Variants in GPC4 observed in about 807,000 individuals in gnomAD.
GPC4 encodes the protein glypican 4.
A neutral mutation model predicts 35.0 loss-of-function variants in GPC4; 10 were observed. That is an observed-to-expected ratio of 0.29 (90% confidence interval 0.18 to 0.48). The LOEUF is 0.48. GPC4 is among the 20% of genes least tolerant of loss of function. The pLI is 0.99. For missense variants in GPC4, 322 were observed against 451.3 expected, an observed-to-expected ratio of 0.71 and a Z score of 2.60; for synonymous variants, 167 against 170.2, an observed-to-expected ratio of 0.98 and a Z score of 0.15.
Position 133,339,237 on chromosome X carries a change from C to T in GPC4, c.265G>A (p.Glu89Lys), listed in dbSNP as rs748978226. 6 of 1,209,864 alleles carry T rather than the reference C, an allele frequency of 5.0e-6. No individual in the cohort carries two copies. In the African/African-American group the frequency reaches 5.2e-5, roughly 11 times the overall value. ...ACAGCTTGCAAATGATTGCACTGTT[C>T]GCTGACCACACTTTTGAAATCATCT... is the stretch of plus-strand genomic sequence containing the variant. Reference protein sequence around the residue: ...SKDDFKSVVSEQCNHLQAVFA... With the variant: ...SKDDFKSVVSKQCNHLQAVFA... Residue 89 changes from glutamate (E) to lysine (K), a missense_variant, in exon 2 of 9, where the codon GAA becomes AAA. This residue lies in a region of GPC4 where 163 missense variants were observed against 277.2 expected (regional missense o/e 0.59). Coordinates refer to ENST00000370828, the MANE Select transcript of GPC4 (RefSeq NM_001448.3).
At chrX:133,378,343 G>A (rs2068644656) in intron 1 of GPC4, among the ~76,000 whole-genome samples, 2 of 110,496 alleles carry the variant, frequency 1.8e-5, no homozygotes, top group South Asian at 7.8e-4. Flanking sequence ...CGAGGTGGGT[G>A]GATCACGAGG....
rs780485237 is a variant in GPC4 at position 133,303,341 on chromosome X, C to A, written c.1293G>T (p.Arg431Ser). 5.0e-6 allele frequency: 6 copies of A among 1,199,241 alleles called. No homozygotes were observed. Among genetic ancestry groups the A allele is most frequent in the Admixed American group, 2.2e-5 (1 of 44,452 alleles). The change falls in exon 8 of 9, where the codon AGG (arginine) becomes AGT (serine). Residue 431 changes from arginine to serine, a missense_variant and splice_region_variant. Around this residue, in one of 3 missense-constraint regions of GPC4, gnomAD observed 99 missense variants for 110.0 expected, o/e 0.90. Coordinates refer to ENST00000370828, the MANE Select transcript of GPC4 (RefSeq NM_001448.3). ...DDCWNGKGKS[R>S]YLFAVTGNGL... ...CATTTCCTGTCACTGCAAACAGGTACCTGGAATGTAAAATGACCCCAGTAA... is the reference window on the plus strand; with the variant it reads ...CATTTCCTGTCACTGCAAACAGGTAACTGGAATGTAAAATGACCCCAGTAA...
Position 133,304,965 on chromosome X carries a change from T to C in GPC4, c.1156-104A>G, listed in dbSNP as rs1237935578. 7 of 767,426 alleles carry C rather than the reference T, an allele frequency of 9.1e-6. No homozygotes were observed. In the South Asian group the frequency reaches 1.5e-4, roughly 17 times the overall value. 63.2% of individuals were successfully genotyped at this position (767,426 alleles called of 1,213,427 possible). A position where few individuals can be genotyped will look rare whatever the true frequency, so the allele number is the denominator to read the frequency against. ...TTTCCAAAGTATCTCCAGAGTGATA[T>C]GCAATTCATTTTCAACTTTAATTAG... On this transcript the variant is annotated intron_variant, in intron 6 of 8. Coordinates refer to ENST00000370828, the MANE Select transcript of GPC4 (RefSeq NM_001448.3).
intron 1 of GPC4, among the ~76,000 whole-genome samples, chrX:133,400,011 A>C (rs113697547): frequency 2.7e-5 from 3 of 111,770 alleles, no homozygotes; most frequent in African/African-American, 9.7e-5. Context: ...ACAACCAGAA[A>C]CCAGAATCCT....
chrX:133,401,225 A>T (rs1011090886), intron 1 of GPC4, among the ~76,000 whole-genome samples: 4 of 111,493 alleles, frequency 3.6e-5, no homozygotes. Context: ...TTTTCACTCT[A>T]GCTGGCATGG....
intron 1 of GPC4, among the ~76,000 whole-genome samples, chrX:133,401,976 T>C (rs1418041346): frequency 1.8e-5 from 2 of 112,536 alleles, no homozygotes; most frequent in Non-Finnish European, 3.7e-5. Flanking sequence ...TTTTAAAATC[T>C]TAGCACAGGG....
At chrX:133,346,809 T>C (rs2068493011) in intron 1 of GPC4, among the ~76,000 whole-genome samples, 1 of 111,438 alleles carries the variant, frequency 9.0e-6, no homozygotes, top group Non-Finnish European at 1.9e-5. Context: ...AAAATCCACA[T>C]TTATATAAAA....
At chrX:133,336,829 T>A (rs2068446384) in intron 2 of GPC4, among the ~76,000 whole-genome samples, 1 of 110,466 alleles carries the variant, frequency 9.1e-6, no homozygotes, top group Non-Finnish European at 1.9e-5. Flanking sequence ...ATTTTATTTA[T>A]TTGTTTTGAG....
intron 3 of GPC4, among the ~76,000 whole-genome samples, chrX:133,320,997 G>A (rs1429653678): frequency 9.0e-6 from 1 of 111,716 alleles, no homozygotes; most frequent in Non-Finnish European, 1.9e-5. Flanking sequence ...AGCTATGATT[G>A]TGCCACTGCG....
At chrX:133,389,499 A>G (rs1377319974) in intron 1 of GPC4, among the ~76,000 whole-genome samples, 1 of 112,086 alleles carries the variant, frequency 8.9e-6, no homozygotes, top group African/African-American at 3.2e-5. Flanking sequence ...GCAAAGATCT[A>G]CAAGAGATGA....
chrX:133,309,078 G>A (rs186059472), intron 4 of GPC4, among the ~76,000 whole-genome samples: 9 of 110,807 alleles, frequency 8.1e-5, no homozygotes, highest in Admixed American at 3.8e-4. Flanking sequence ...CCACAAAGCA[G>A]ATTAATTAAA....
chrX:133,307,712 T>C (rs1603055509), intron 4 of GPC4, among the ~76,000 whole-genome samples: 3 of 111,715 alleles, frequency 2.7e-5, no homozygotes, highest in Non-Finnish European at 5.6e-5. Context: ...CTTCGTAAGC[T>C]GAGAAGAAAT....
chrX:133,376,350 T>C (rs2068633104), intron 1 of GPC4, among the ~76,000 whole-genome samples: 1 of 112,431 alleles, frequency 8.9e-6, no homozygotes, highest in African/African-American at 3.2e-5. Context: ...AATGGCATTT[T>C]ACACTCGCTT....
intron 3 of GPC4, among the ~76,000 whole-genome samples, chrX:133,319,443 C>CAAAAAA (rs369290840): frequency 5.3e-4 from 9 of 16,855 alleles, no homozygotes; most frequent in African/African-American, 1.1e-3. Flanking sequence ...GACCCTATGT[C>CAAAAAA]AAAAAAAAAA....
At chrX:133,411,203 G>T (rs1239615655) in intron 1 of GPC4, among the ~76,000 whole-genome samples, 2 of 112,117 alleles carry the variant, frequency 1.8e-5, no homozygotes, top group Non-Finnish European at 1.9e-5. Flanking sequence ...CATTGCTCAT[G>T]AACACAGAAG....
chrX:133,410,339 T>C (rs1342562471), intron 1 of GPC4, among the ~76,000 whole-genome samples: 1 of 112,414 alleles, frequency 8.9e-6, no homozygotes, highest in East Asian at 2.8e-4. Context: ...AGCTATAAGA[T>C]TGTGAACATA....
intron 2 of GPC4, among the ~76,000 whole-genome samples, chrX:133,328,308 G>T (rs1389949505): frequency 9.0e-6 from 1 of 111,017 alleles, no homozygotes; most frequent in African/African-American, 3.3e-5. Flanking sequence ...TATGCCTTTT[G>T]CCTCAAAGGG....
intron 1 of GPC4, among the ~76,000 whole-genome samples, chrX:133,341,918 GC>G (rs1480235570): frequency 1.8e-5 from 2 of 109,023 alleles, no homozygotes; most frequent in African/African-American, 6.7e-5. Flanking sequence ...CACATAAAAG[GC>G]CCAGAGTGGC....
At position 133,410,867 on chromosome X, in the gene GPC4, C is replaced by T. The variant is rs138651205; in HGVS notation, c.160+3939G>A. On this transcript the variant is annotated intron_variant, in intron 1 of 8. Transcript: ENST00000370828. The stretch of plus-strand genomic sequence containing the variant: ...GATACCTCCTGTAAACTACTTGGGA[C>T]AATTTCTACAGTGATAGGCCCTGTG... Among the ~76,000 whole-genome samples, 242 of 112,302 alleles carry T rather than the reference C, an allele frequency of 2.2e-3. 1 individual carries two copies. The highest frequency in any genetic ancestry group is 7.2e-3 in the African/African-American group (223 of 30,928).
Sources: allele counts gnomAD v4.1 joint callset (sites outside exome capture counted in the v4.1 genomes callset), GRCh38; gene constraint gnomAD v4.1.1; regional missense constraint gnomAD v4.1.1; transcripts MANE v1.5; gene names NCBI Gene and HGNC (gene_info 2026-07-23, HGNC 2026-07-21).